Variants in FBXW11 observed in about 807,000 individuals in gnomAD.
FBXW11 encodes F-box/WD repeat-containing protein 11.
Under a neutral mutation model 77.6 loss-of-function variants are expected in FBXW11, and 19 were observed. The ratio of observed to expected loss-of-function variants is 0.24; its 90% CI spans 0.17 to 0.36. The LOEUF (loss-of-function observed/expected upper bound fraction) is 0.36. FBXW11 is among the 10% of genes least tolerant of loss of function. FBXW11 has a pLI of 1.00. For missense variants in FBXW11, 334 were observed against 704.2 expected (o/e 0.47, Z 5.95); for synonymous variants, 235 against 249.4 (o/e 0.94, Z 0.54).
intron 1 of FBXW11, among the ~76,000 whole-genome samples, chr5:171,980,206 G>C (rs922738508): frequency 6.6e-6 from 1 of 152,154 alleles, no homozygotes; most frequent in African/African-American, 2.4e-5. Context: ...AATAAATTTT[G>C]CTTTTAAGAG....
At chr5:171,887,443 GAAC>G (rs1256671005) in intron 7 of FBXW11, among the ~76,000 whole-genome samples, 1 of 149,144 alleles carries the variant, frequency 6.7e-6, no homozygotes, top group African/African-American at 2.5e-5. Context: ...ACCCAAAATA[GAAC>G]AATAACAGAA....
chr5:171,930,365 CA>C (rs1762105176), intron 2 of FBXW11, among the ~76,000 whole-genome samples: 1 of 152,198 alleles, frequency 6.6e-6, no homozygotes, highest in African/African-American at 2.4e-5. Context: ...AAATCAGGAA[CA>C]AGGTAAGAAT....
intron 2 of FBXW11, among the ~76,000 whole-genome samples, chr5:171,928,154 T>G (rs752744977): frequency 2.0e-5 from 3 of 151,914 alleles, no homozygotes; most frequent in Non-Finnish European, 2.9e-5. Flanking sequence ...AAAAGAAAAA[T>G]AGTAAAAATG....
chr5:171,948,387 G>T (rs750236641), intron 2 of FBXW11, among the ~76,000 whole-genome samples: 2 of 151,636 alleles, frequency 1.3e-5, no homozygotes, highest in African/African-American at 4.8e-5. Context: ...GATTATGATT[G>T]ACTGGTTAAT....
chr5:171,987,778 T>A (rs1007595145), intron 1 of FBXW11, among the ~76,000 whole-genome samples: 7 of 152,014 alleles, frequency 4.6e-5, no homozygotes, highest in Non-Finnish European at 7.4e-5. Flanking sequence ...AAATATCCCT[T>A]ATGAAATTTC....
At chr5:171,945,485 T>C (rs1561709350) in intron 2 of FBXW11, among the ~76,000 whole-genome samples, 1 of 152,178 alleles carries the variant, frequency 6.6e-6, no homozygotes, top group Non-Finnish European at 1.5e-5. Flanking sequence ...TTTCCTCACA[T>C]ATAAAACAGA....
At position 171,904,970 on chromosome 5, in the gene FBXW11, C is replaced by A. The variant is rs995429893; in HGVS notation, c.437-4870G>T. 6.6e-6 allele frequency among the ~76,000 whole-genome samples: 1 copy of A among 152,146 alleles called. No homozygotes were observed. The highest frequency in any genetic ancestry group is 2.4e-5 in the African/African-American group (1 of 41,430). On this transcript the variant is annotated intron_variant, in intron 4 of 13. Transcript: ENST00000517395. This position sits in a 1 kb window ranked among gnomAD's most constrained non-coding sequence, Gnocchi z 4.0. ...CCCTTTTAGTCCTCTTTGATTCCCC[C>A]ATCAATTGCTCACAACTAGGCTATC...
intron 2 of FBXW11, among the ~76,000 whole-genome samples, chr5:171,922,041 T>TA (rs1228640141): frequency 2.5e-5 from 3 of 120,936 alleles, no homozygotes; most frequent in African/African-American, 9.9e-5. Flanking sequence ...CAAGCAACAG[T>TA]ACATAAAGGG....
intron 4 of FBXW11, among the ~76,000 whole-genome samples, chr5:171,902,890 T>C (rs929341589): frequency 4.5e-4 from 69 of 152,228 alleles, no homozygotes; most frequent in African/African-American, 1.6e-3. Flanking sequence ...AAAGCCATTA[T>C]TCTTGGGTTG....
chr5:171,899,148 T>G, intron 5 of FBXW11, 54 bp from the exon 6 acceptor site: 1 of 1,163,654 alleles, frequency 8.6e-7, no homozygotes, highest in Non-Finnish European at 1.3e-6. Flanking sequence ...AGGGTGAATT[T>G]TATCTAAACA....
chr5:171,928,062 C>T (rs1234793787), intron 2 of FBXW11, among the ~76,000 whole-genome samples: 3 of 152,076 alleles, frequency 2.0e-5, no homozygotes, highest in Non-Finnish European at 4.4e-5. Context: ...AATTCTCAAA[C>T]CTTCACTACA....
chr5:171,997,554 A>G (rs1414831142), intron 1 of FBXW11, among the ~76,000 whole-genome samples: 1 of 152,124 alleles, frequency 6.6e-6, no homozygotes, highest in East Asian at 1.9e-4. Context: ...CATATTACCC[A>G]AATCCTCTAC....
intron 2 of FBXW11, among the ~76,000 whole-genome samples, chr5:171,934,363 A>G (rs1014495332): frequency 1.3e-5 from 2 of 152,274 alleles, no homozygotes; most frequent in Non-Finnish European, 1.5e-5. Context: ...AAAACAGATA[A>G]AGCAAATGAA....
At chr5:171,974,405 C>T (rs1764699906) in intron 1 of FBXW11, among the ~76,000 whole-genome samples, 1 of 150,848 alleles carries the variant, frequency 6.6e-6, no homozygotes, top group South Asian at 2.1e-4. Context: ...TCGCACTCCA[C>T]CCTGGATGAC....
At chr5:171,910,141 C>T (rs1448645119) in intron 4 of FBXW11, among the ~76,000 whole-genome samples, 1 of 148,378 alleles carries the variant, frequency 6.7e-6, no homozygotes, top group Admixed American at 6.8e-5. Context: ...TCTCGGCTCA[C>T]TGCAACCTCC....
chr5:171,889,319 G>T (rs955855790), intron 7 of FBXW11, among the ~76,000 whole-genome samples: 20 of 152,110 alleles, frequency 1.3e-4, no homozygotes, highest in African/African-American at 4.8e-4. Context: ...CCTGAGGCCA[G>T]GAGTTCAAGA....
intron 7 of FBXW11, among the ~76,000 whole-genome samples, chr5:171,889,677 G>GT (rs1345681031): frequency 6.6e-6 from 1 of 151,438 alleles, no homozygotes; most frequent in African/African-American, 2.4e-5. Context: ...ACCTAAAGTC[G>GT]GGAGTTTGAG....
At chr5:171,967,631 G>T (rs13176447) in intron 1 of FBXW11, among the ~76,000 whole-genome samples, 113,463 of 151,640 alleles carry the variant, frequency 0.75, 45,372 homozygotes, top group East Asian at 0.95. Context: ...CCTGAGGTTG[G>T]GAGTTCCAGA....
At chr5:171,865,419 A>G (rs1757325648) in intron 13 of FBXW11, among the ~76,000 whole-genome samples, 1 of 152,234 alleles carries the variant, frequency 6.6e-6, no homozygotes, top group Admixed American at 6.5e-5. Flanking sequence ...GTTTTTTATA[A>G]TCACTAAAAA....
Sources: allele counts gnomAD v4.1 joint callset (sites outside exome capture counted in the v4.1 genomes callset), GRCh38; gene constraint gnomAD v4.1.1; non-coding constraint Gnocchi (gnomAD v3.1); transcripts MANE v1.5; gene names NCBI Gene and HGNC (gene_info 2026-07-23, HGNC 2026-07-21).